PRKN: variants seen among roughly 807,000 people sequenced by gnomAD.
PRKN encodes the protein parkin RBR E3 ubiquitin protein ligase, also known as E3 ubiquitin-protein ligase parkin.
A neutral mutation model predicts 59.5 loss-of-function variants in PRKN; 56 were observed. That is an observed-to-expected ratio of 0.94 (90% CI 0.76 to 1.18). The LOEUF is 1.18. PRKN is among the 50% of genes most tolerant of loss of function. The pLI is 0.00. For missense variants in PRKN, 657 were observed against 596.4 expected (o/e 1.10, Z -1.06); for synonymous variants, 250 against 222.1 (o/e 1.13, Z -1.12).
intron 6 of PRKN, among the ~76,000 whole-genome samples, chr6:161,940,722 G>C (rs1053225387): frequency 6.6e-6 from 1 of 152,212 alleles, no homozygotes; most frequent in Non-Finnish European, 1.5e-5. Context: ...GAGCCGGAAA[G>C]TGACTGTTCA....
At chr6:161,887,181 T>A (rs960668511) in intron 6 of PRKN, among the ~76,000 whole-genome samples, 15 of 152,230 alleles carry the variant, frequency 9.9e-5, no homozygotes, top group Non-Finnish European at 1.5e-4. Flanking sequence ...TATTATTTGA[T>A]GGTTGTGTTG....
chr6:161,898,589 T>C (rs956485440), intron 6 of PRKN, among the ~76,000 whole-genome samples: 1 of 152,190 alleles, frequency 6.6e-6, no homozygotes, highest in African/African-American at 2.4e-5. Context: ...GATTACTAAA[T>C]GGATGTTTTC....
At chr6:161,840,105 C>T (rs1792922561) in intron 6 of PRKN, among the ~76,000 whole-genome samples, 6 of 152,204 alleles carry the variant, frequency 3.9e-5, no homozygotes, top group Admixed American at 3.3e-4. Context: ...AGGGTTCAAC[C>T]CTCAACACAC....
intron 5 of PRKN, among the ~76,000 whole-genome samples, chr6:161,981,363 A>G (rs1045452859): frequency 6.6e-6 from 1 of 152,180 alleles, no homozygotes; most frequent in Non-Finnish European, 1.5e-5. Flanking sequence ...AATCTTAATA[A>G]TAAAGTTTTA....
At position 161,360,738 on chromosome 6, in the gene PRKN, G is replaced by A. The variant is rs1784944457; in HGVS notation, c.1168-533C>T. Among the ~76,000 whole-genome samples, 1 of 152,292 alleles carries A rather than the reference G, an allele frequency of 6.6e-6. No individual in the cohort carries two copies. The highest frequency in any genetic ancestry group is 2.1e-4 in the South Asian group (1 of 4,810). On this transcript the variant is annotated intron_variant, in intron 10 of 11. Transcript: ENST00000366898. This position sits in a 1 kb window ranked among gnomAD's most constrained non-coding sequence, Gnocchi z 5.1. ...GGGAACTCCAAATGTTGTCACAGAA[G>A]GGACAGGAGCAAGAACAGGAAATGA... is the stretch of plus-strand genomic sequence containing the variant.
chr6:162,233,363 C>A, intron 3 of PRKN, among the ~76,000 whole-genome samples: 1 of 152,094 alleles, frequency 6.6e-6, no homozygotes, highest in East Asian at 1.9e-4. Context: ...TAATGCATAT[C>A]TCGTAATTCA....
intron 1 of PRKN, among the ~76,000 whole-genome samples, chr6:162,668,789 G>C (rs1287752203): frequency 2.0e-5 from 3 of 152,084 alleles, no homozygotes; most frequent in Non-Finnish European, 4.4e-5. Context: ...GTAGGCCCAG[G>C]GACATAAAGT....
intron 1 of PRKN, among the ~76,000 whole-genome samples, chr6:162,711,070 T>C (rs1778519441): frequency 6.6e-6 from 1 of 152,220 alleles, no homozygotes; most frequent in Admixed American, 6.5e-5. Context: ...CCTGGTTCAC[T>C]GACAGTTTGA....
At chr6:162,684,081 G>A (rs1241161714) in intron 1 of PRKN, among the ~76,000 whole-genome samples, 1 of 152,068 alleles carries the variant, frequency 6.6e-6, no homozygotes, top group East Asian at 1.9e-4. Context: ...CCATTAGAAT[G>A]TTTATTTAAT....
chr6:162,466,089 T>C (rs1031266277), intron 1 of PRKN, among the ~76,000 whole-genome samples: 19 of 152,200 alleles, frequency 1.2e-4, no homozygotes, highest in African/African-American at 3.9e-4. Flanking sequence ...ATAACAGAAG[T>C]TAATAAAGAA....
rs531596865 is a variant in PRKN at position 162,275,937 on chromosome 6, C to T, written c.172-13172G>A. Among the ~76,000 whole-genome samples the T allele has an allele frequency of 5.6e-4, 85 of 152,298 alleles. 1 individual carries two copies. The South Asian group carries it at 0.012, about 22-fold the overall frequency. On this transcript the variant is annotated intron_variant, in intron 2 of 11. Transcript: ENST00000366898. ...GAGGCGCAAGAGTCTTTGGTAGCTTCCCTGCCATCCTGTATGACAAGAGAC... is the reference window on the plus strand; with the variant it reads ...GAGGCGCAAGAGTCTTTGGTAGCTTTCCTGCCATCCTGTATGACAAGAGAC...
At chr6:161,979,119 G>A (rs373832678) in intron 5 of PRKN, among the ~76,000 whole-genome samples, 2 of 151,674 alleles carry the variant, frequency 1.3e-5, no homozygotes, top group Non-Finnish European at 2.9e-5. Flanking sequence ...CTTAATTAGC[G>A]AAGAGAGCTA....
intron 7 of PRKN, among the ~76,000 whole-genome samples, chr6:161,628,850 A>G (rs576195818): frequency 7.9e-5 from 12 of 152,358 alleles, no homozygotes; most frequent in Admixed American, 5.9e-4. Flanking sequence ...CAGGAAGCCA[A>G]TGAGAGTGTA....
chr6:161,642,880 T>A (rs1239805275), intron 7 of PRKN, among the ~76,000 whole-genome samples: 1 of 152,220 alleles, frequency 6.6e-6, no homozygotes, highest in Non-Finnish European at 1.5e-5. Flanking sequence ...TATATAGCAA[T>A]CTTTTAATGG....
At chr6:162,561,140 G>A (rs1779821807) in intron 1 of PRKN, among the ~76,000 whole-genome samples, 1 of 152,154 alleles carries the variant, frequency 6.6e-6, no homozygotes. Context: ...GCAGTCCCAA[G>A]CGCATGGAGT....
intron 1 of PRKN, among the ~76,000 whole-genome samples, chr6:162,652,931 T>C (rs888767166): frequency 6.6e-6 from 1 of 152,180 alleles, no homozygotes; most frequent in Non-Finnish European, 1.5e-5. Flanking sequence ...ACAAAAGATA[T>C]AAAACAGGCC....
intron 2 of PRKN, among the ~76,000 whole-genome samples, chr6:162,358,662 C>T (rs1784983854): frequency 6.6e-6 from 1 of 152,084 alleles, no homozygotes; most frequent in South Asian, 2.1e-4. Context: ...TGAGTGGATG[C>T]ATTCAGTTCT....
chr6:161,874,096 A>T (rs9458407), intron 6 of PRKN, among the ~76,000 whole-genome samples: 35 of 60,828 alleles, frequency 5.8e-4, no homozygotes, highest in African/African-American at 1.9e-3. Context: ...ATAATATATA[A>T]TATATATTAT....
chr6:161,412,813 TTCCTTCACTCAC>T (rs1362769765), intron 9 of PRKN, among the ~76,000 whole-genome samples: 6 of 151,298 alleles, frequency 4.0e-5, no homozygotes, highest in Non-Finnish European at 5.9e-5. Flanking sequence ...CACTCACTCA[TTCCTTCACTCAC>T]TCCTTCCTCA....
Sources: allele counts gnomAD v4.1 joint callset (sites outside exome capture counted in the v4.1 genomes callset), GRCh38; gene constraint gnomAD v4.1.1; non-coding constraint Gnocchi (gnomAD v3.1); transcripts MANE v1.5; gene names NCBI Gene and HGNC (gene_info 2026-07-23, HGNC 2026-07-21).